Variants in IMPACT observed in about 807,000 individuals in gnomAD.
The protein encoded by IMPACT is protein IMPACT.
In IMPACT, 35 loss-of-function variants were observed where a neutral mutation model predicts 47.5. The observed-to-expected ratio is 0.74, with a 90% CI of 0.56 to 0.98. The LOEUF is 0.98. IMPACT is among the 50% of genes least tolerant of loss of function. IMPACT has a pLI of 0.00. For missense variants in IMPACT, 373 were observed against 394.8 expected, an observed-to-expected ratio of 0.94 and a Z score of 0.47; for synonymous variants, 118 against 125.6, an observed-to-expected ratio of 0.94 and a Z score of 0.40.
At chr18:24,427,089 C>A in intron 1 of IMPACT, 1 of 354,614 alleles carries the variant, frequency 2.8e-6, no homozygotes, top group Non-Finnish European at 5.0e-6. Flanking sequence ...TTTCGATCCC[C>A]ACCCTGCCGC....
At chr18:24,427,724 T>G (rs1287056133) in intron 1 of IMPACT, 195 bp from the exon 2 acceptor site, 3 of 539,932 alleles carry the variant, frequency 5.6e-6, no homozygotes, top group Non-Finnish European at 9.6e-6. Flanking sequence ...CTCCAGTCAT[T>G]GCAGTAGCGC....
intron 2 of IMPACT, among the ~76,000 whole-genome samples, 183 bp downstream of exon 2, chr18:24,428,230 C>T (rs1258664294): frequency 6.6e-6 from 1 of 152,170 alleles, no homozygotes; most frequent in Non-Finnish European, 1.5e-5. Flanking sequence ...TTGATAGTTC[C>T]AGTCTTTCTA....
At chr18:24,450,081 CT>C (rs1909345392) in intron 10 of IMPACT, 128 bp downstream of exon 10, 2 of 945,864 alleles carry the variant, frequency 2.1e-6, no homozygotes, top group Admixed American at 4.0e-5. Context: ...GACTCAGAAC[CT>C]GGAGACCTAG....
intron 5 of IMPACT, among the ~76,000 whole-genome samples, chr18:24,439,369 A>G (rs907296276): frequency 2.0e-5 from 3 of 152,126 alleles, no homozygotes; most frequent in Admixed American, 1.3e-4. Flanking sequence ...CGTCTCTACT[A>G]AAAATACAAG....
At chr18:24,448,263 A>G in intron 9 of IMPACT, 80 bp downstream of exon 9, 2 of 815,516 alleles carry the variant, frequency 2.5e-6, no homozygotes, top group Non-Finnish European at 4.2e-6. Context: ...ATTTAGTAAT[A>G]GCTAAGTCAG....
chr18:24,433,988 A>G (rs1463857241), intron 4 of IMPACT, among the ~76,000 whole-genome samples: 1 of 152,042 alleles, frequency 6.6e-6, no homozygotes, highest in East Asian at 1.9e-4. Context: ...ACAACTTTTA[A>G]TCATATTTTC....
In IMPACT at chr18:24,451,438, C is replaced by A. The variant is rs1909381364; in HGVS notation, c.*591C>A. 1 of 152,080 alleles carries A rather than the reference C, an allele frequency of 6.6e-6. No homozygotes were observed. The highest frequency in any genetic ancestry group is 6.6e-5 in the Admixed American group (1 of 15,260). The allele number at this position is 152,080 out of a possible 1,614,324, so 9.4% of individuals were successfully genotyped here. A position where few individuals can be genotyped will look rare whatever the true frequency, so the allele number is the denominator to read the frequency against. On this transcript the variant is annotated 3_prime_UTR_variant, in exon 11 of 11. Coordinates refer to ENST00000284202, the MANE Select transcript of IMPACT (RefSeq NM_018439.4). Reference sequence around the variant, plus strand: ...GTTATGTGCTGAGGTGATAATTCATCCAACATATTTGTTAGCATAAATATT... The same window carrying A: ...GTTATGTGCTGAGGTGATAATTCATACAACATATTTGTTAGCATAAATATT...
chr18:24,431,921 C>T (rs1046437916), intron 4 of IMPACT, among the ~76,000 whole-genome samples: 1 of 152,126 alleles, frequency 6.6e-6, no homozygotes, highest in Non-Finnish European at 1.5e-5. Flanking sequence ...AGGCTGGTCT[C>T]GAACTCCTGA....
chr18:24,449,734 CA>C, intron 9 of IMPACT, 84 bp from the exon 10 acceptor site: 1 of 1,253,340 alleles, frequency 8.0e-7, no homozygotes, highest in Non-Finnish European at 1.1e-6. Context: ...CAATTTTATA[CA>C]TGGGTTATTT....
At position 24,452,477 on chromosome 18, in the gene IMPACT, A is replaced by C. The variant is rs549216662; in HGVS notation, c.*1630A>C. On this transcript the variant is annotated 3_prime_UTR_variant, in exon 11 of 11. Transcript: ENST00000284202. ...ATAATTTCACAATTTCAACATGTCA[A>C]ACCTATGAAGGGAGATAGGAAACAA... is the stretch of plus-strand genomic sequence containing the variant. 2.6e-4 allele frequency: 39 copies of C among 152,250 alleles called. No individual in the cohort carries two copies. Among genetic ancestry groups the C allele is most frequent in the African/African-American group, 7.9e-4 (33 of 41,566 alleles). The allele number at this position is 152,250 out of a possible 1,614,324, so 9.4% of individuals were successfully genotyped here.
rs554624397 is a variant in IMPACT at position 24,448,866 on chromosome 18, ATCTG to A, written c.759+688_759+691del. Among the ~76,000 whole-genome samples the A allele has an allele frequency of 3.4e-3, 517 of 151,934 alleles. 2 individuals carry two copies. Among genetic ancestry groups the A allele is most frequent in the Middle Eastern group, 0.02 (6 of 294 alleles). Reference sequence around the variant, plus strand: ...TCTTTCATGCTGCTGGATTTTCTTCATCTGTCTGGTGATCATTTATTGTTCATTA... The same window carrying A: ...TCTTTCATGCTGCTGGATTTTCTTCATCTGGTGATCATTTATTGTTCATTA... On this transcript the variant is annotated intron_variant, in intron 9 of 10. Transcript: ENST00000284202.
At chr18:24,430,461 T>C (rs1400938104) in intron 4 of IMPACT, 77 bp downstream of exon 4, 3 of 1,012,932 alleles carry the variant, frequency 3.0e-6, no homozygotes, top group South Asian at 3.3e-5. Context: ...GTGAACCCTT[T>C]GTTAGAACCT....
rs1909421611 is a variant in IMPACT at position 24,452,856 on chromosome 18, T to C, written c.*2009T>C. 2 of 152,202 alleles carry C rather than the reference T, an allele frequency of 1.3e-5. No homozygotes were observed. Among genetic ancestry groups the C allele is most frequent in the Non-Finnish European group, 2.9e-5 (2 of 68,050 alleles). The allele number at this position is 152,202 out of a possible 1,614,324, so 9.4% of individuals were successfully genotyped here. A position where few individuals can be genotyped will look rare whatever the true frequency, so the allele number is the denominator to read the frequency against. ...TCACCTAGGCTGGAGTGCAGTGGCA[T>C]GATCATGGCTCACTGCAGCCTTGAC... On this transcript the variant is annotated 3_prime_UTR_variant, in exon 11 of 11. Transcript: ENST00000284202.
At position 24,445,457 on chromosome 18, in the gene IMPACT, A is replaced by G. The variant is rs139085740; in HGVS notation, c.659A>G (p.Tyr220Cys). The change falls in exon 8 of 11, where the codon TAT becomes TGT. Residue 220 changes from tyrosine (Y) to cysteine (C), a missense_variant. Coordinates refer to ENST00000284202, the MANE Select transcript of IMPACT (RefSeq NM_018439.4). The part of the protein sequence containing the change: ...KKIASATHNI[Y>C]AYRIYCEDKQ... The stretch of plus-strand genomic sequence containing the variant: ...ATAGCTAGTGCCACCCACAACATCT[A>G]TGCCTACAGGTGAGTAATCATCACA... The G allele has an allele frequency of 2.4e-5, 38 of 1,599,752 alleles. No homozygotes were observed. The African/African-American group carries it at 2.9e-4, about 12-fold the overall frequency.
chr18:24,453,447 T>C lies in IMPACT; in HGVS notation c.*2600T>C, dbSNP rs1909439650. 1 of 152,212 alleles carries C rather than the reference T, an allele frequency of 6.6e-6. No homozygotes were observed. The highest frequency in any genetic ancestry group is 2.4e-5 in the African/African-American group (1 of 41,460). 9.4% of individuals were successfully genotyped at this position (152,212 alleles called of 1,614,324 possible). ...TCCATAAAAATGGTATTAAACTGTA[T>C]ATACTGTTTTGTAGCCTACATATTT... On this transcript the variant is annotated 3_prime_UTR_variant, in exon 11 of 11. Transcript: ENST00000284202.
chr18:24,448,827 T>G (rs1484181571), intron 9 of IMPACT, among the ~76,000 whole-genome samples: 1 of 152,172 alleles, frequency 6.6e-6, no homozygotes, highest in African/African-American at 2.4e-5. Context: ...TTTGTTTGTT[T>G]ATCTTGTCCT....
chr18:24,430,068 C>G (rs557736605), intron 3 of IMPACT, among the ~76,000 whole-genome samples: 1 of 152,176 alleles, frequency 6.6e-6, no homozygotes, highest in Non-Finnish European at 1.5e-5. Flanking sequence ...TGAGCCACCA[C>G]GCCTGGCCAA....
In IMPACT at chr18:24,440,504, G is replaced by A; in HGVS notation, c.376G>A (p.Val126Ile). 1 of 1,612,808 alleles carries A rather than the reference G, an allele frequency of 6.2e-7. No individual in the cohort carries two copies. The highest frequency in any genetic ancestry group is 1.3e-5 in the African/African-American group (1 of 74,978). ...KSQMTEPGPD[V>I]KKKTEEEDVE... ...GTCTCATATTCACATAGGCCCAGAT[G>A]TAAAGAAGAAAACTGAAGAGGAAGA... Residue 126 changes from valine to isoleucine, a missense_variant, in exon 6 of 11, where the codon GTA (valine) becomes ATA (isoleucine). By Grantham distance (29) the Val-to-Ile change is conservative. Transcript: ENST00000284202.
At chr18:24,439,465 G>T (rs529619060) in intron 5 of IMPACT, 1 of 152,158 alleles carries the variant, frequency 6.6e-6, no homozygotes, top group African/African-American at 2.4e-5. Context: ...ATGAAACCCC[G>T]TCTGTACTAA....
Sources: allele counts gnomAD v4.1 joint callset (sites outside exome capture counted in the v4.1 genomes callset), GRCh38; gene constraint gnomAD v4.1.1; transcripts MANE v1.5; gene names NCBI Gene and HGNC (gene_info 2026-07-23, HGNC 2026-07-21).